AGPAT4: variants seen among roughly 807,000 people sequenced by gnomAD.
The protein encoded by AGPAT4 is 1-acylglycerol-3-phosphate O-acyltransferase 4.
AGPAT4 carries 15 observed loss-of-function variants against 48.0 expected under a neutral mutation model. The ratio of observed to expected loss-of-function variants is 0.31; its 90% CI spans 0.21 to 0.48. The LOEUF (loss-of-function observed/expected upper bound fraction) is 0.48, where lower values mean the gene tolerates loss of function less well. Ranked by LOEUF, AGPAT4 falls within the 20% of genes least tolerant of loss-of-function variation. The pLI is 0.99. For synonymous variants in AGPAT4, 178 were observed against 198.7 expected, an observed-to-expected ratio of 0.90 and a Z score of 0.88; for missense variants, 314 against 482.5, an observed-to-expected ratio of 0.65 and a Z score of 3.27.
Position 161,218,888 on chromosome 6 carries a change from G to A in AGPAT4, c.178+13148C>T, listed in dbSNP as rs753067786. On this transcript the variant is annotated intron_variant, in intron 2 of 8. Transcript: ENST00000320285. This position sits in a 1 kb window ranked among gnomAD's most constrained non-coding sequence, Gnocchi z 4.7. ...GATAAAACACTGTATCTACCAAACA[G>A]TATGATAAAACACTGTATCTACCAA... 6.6e-6 allele frequency among the ~76,000 whole-genome samples: 1 copy of A among 152,100 alleles called. No homozygotes were observed. Among genetic ancestry groups the A allele is most frequent in the Non-Finnish European group, 1.5e-5 (1 of 68,030 alleles).
In AGPAT4 at chr6:161,137,582, A is replaced by T. The variant is rs1779106888; in HGVS notation, c.1043-948T>A. Among the ~76,000 whole-genome samples the T allele has an allele frequency of 6.6e-6, 1 of 152,176 alleles. No individual in the cohort carries two copies. On this transcript the variant is annotated intron_variant, in intron 8 of 8. Transcript: ENST00000320285. The surrounding 1 kb of genome is among the most constrained non-coding windows in gnomAD (Gnocchi z 6.1). ...AGCGTAACAGTAACAGTGAGAGTGG[A>T]GTTATTGTAGAGCAGAAAGAAGTGA... is the stretch of plus-strand genomic sequence containing the variant.
In AGPAT4 at chr6:161,143,725, A is replaced by C. The variant is rs139010704; in HGVS notation, c.843+2799T>G. 5.4e-4 allele frequency among the ~76,000 whole-genome samples: 82 copies of C among 152,326 alleles called. No homozygotes were observed. Among genetic ancestry groups the C allele is most frequent in the African/African-American group, 1.8e-3 (73 of 41,560 alleles). ...TTTTTCATAAAGCTAAACTAGGTCC[A>C]CTCAAAGGATGGCCCTGTTTTCAGA... On this transcript the variant is annotated intron_variant, in intron 7 of 8. Coordinates refer to ENST00000320285, the MANE Select transcript of AGPAT4 (RefSeq NM_020133.3). The surrounding 1 kb of genome is among the most constrained non-coding windows in gnomAD (Gnocchi z 4.7).
chr6:161,222,587 T>C lies in AGPAT4; in HGVS notation c.178+9449A>G, dbSNP rs1397930141. ...TTACGCATGAACAGATTTTTTTTTT[T>C]TTCAAATTCCAATTAACAGTTTCTC... On this transcript the variant is annotated intron_variant, in intron 2 of 8. Transcript: ENST00000320285. This position sits in a 1 kb window ranked among gnomAD's most constrained non-coding sequence, Gnocchi z 5.9. 1.3e-5 allele frequency among the ~76,000 whole-genome samples: 2 copies of C among 152,224 alleles called. No homozygotes were observed. The highest frequency in any genetic ancestry group is 2.4e-5 in the African/African-American group (1 of 41,456).
intron 2 of AGPAT4, among the ~76,000 whole-genome samples, chr6:161,167,009 ATTCT>A (rs1780119320): frequency 6.6e-6 from 1 of 152,122 alleles, no homozygotes; most frequent in Non-Finnish European, 1.5e-5. Context: ...AAAGAAAAAG[ATTCT>A]TTCTTCAGGC....
rs1016586759 is a variant in AGPAT4, at chr6:161,195,001, C to T, written c.179-28584G>A. ...CTGCCTTCCTGCACCTTACTTGCCC[C>T]GGGAGAAGCTTTGGCCACCACCTTC... is the stretch of plus-strand genomic sequence containing the variant. On this transcript the variant is annotated intron_variant, in intron 2 of 8. Transcript: ENST00000320285. The surrounding 1 kb of genome is among the most constrained non-coding windows in gnomAD (Gnocchi z 5.0). 4.6e-5 allele frequency among the ~76,000 whole-genome samples: 7 copies of T among 152,112 alleles called. No homozygotes were observed. The highest frequency in any genetic ancestry group is 2.1e-4 in the South Asian group (1 of 4,816).
chr6:161,148,784 A>G lies in AGPAT4; in HGVS notation c.767+403T>C, dbSNP rs140981648. Among the ~76,000 whole-genome samples, 237 of 152,340 alleles carry G rather than the reference A, an allele frequency of 1.6e-3. 1 individual carries two copies. The highest frequency in any genetic ancestry group is 5.2e-3 in the African/African-American group (215 of 41,576). On this transcript the variant is annotated intron_variant, in intron 6 of 8. Coordinates refer to ENST00000320285, the MANE Select transcript of AGPAT4 (RefSeq NM_020133.3). This position sits in a 1 kb window ranked among gnomAD's most constrained non-coding sequence, Gnocchi z 5.5. ...TCATTAATAGCCTGGAACATAACAC[A>G]TAAGTGAGACACTGCAAGAGTTCTG...
Position 161,149,413 on chromosome 6 carries a change from G to C in AGPAT4, c.665-124C>G. 1 of 793,104 alleles carries C rather than the reference G, an allele frequency of 1.3e-6. No individual in the cohort carries two copies. Among genetic ancestry groups the C allele is most frequent in the East Asian group, 2.8e-5 (1 of 36,064 alleles). The allele number at this position is 793,104 out of a possible 1,614,324, so 49.1% of individuals were successfully genotyped here. A position where few individuals can be genotyped will look rare whatever the true frequency, so the allele number is the denominator to read the frequency against. ...TGCTTATCTAGAAATGGTGTGGTCA[G>C]ATTTCTTTCTTTCTATATGGTCCAC... On this transcript the variant is annotated intron_variant, in intron 5 of 8. Transcript: ENST00000320285. This position sits in a 1 kb window ranked among gnomAD's most constrained non-coding sequence, Gnocchi z 6.5.
rs1779704956 is a variant in AGPAT4 at position 161,154,423 on chromosome 6, C to T, written c.349-113G>A. 6 of 1,221,948 alleles carry T rather than the reference C, an allele frequency of 4.9e-6. No individual in the cohort carries two copies. Among genetic ancestry groups the T allele is most frequent in the East Asian group, 2.5e-5 (1 of 39,662 alleles). The allele number at this position is 1,221,948 out of a possible 1,614,324, so 75.7% of individuals were successfully genotyped here. On this transcript the variant is annotated intron_variant, in intron 3 of 8. Coordinates refer to ENST00000320285, the MANE Select transcript of AGPAT4 (RefSeq NM_020133.3). The surrounding 1 kb of genome is among the most constrained non-coding windows in gnomAD (Gnocchi z 7.8). ...GAGGGGACGTTCACACCAGACGCCT[C>T]GGGACAGTCCCAGAACACATGCTGT...
Position 161,251,947 on chromosome 6 carries a change from G to A in AGPAT4, c.-89-19645C>T, listed in dbSNP as rs1406253783. ...TTATCTTCTTAACCCATTTATGCTG[G>A]AGAGTATAATTTTTTGAATTTTTGC... On this transcript the variant is annotated intron_variant, in intron 1 of 8. Coordinates refer to ENST00000320285, the MANE Select transcript of AGPAT4 (RefSeq NM_020133.3). This position sits in a 1 kb window ranked among gnomAD's most constrained non-coding sequence, Gnocchi z 4.6. 1.4e-5 allele frequency among the ~76,000 whole-genome samples: 2 copies of A among 147,976 alleles called. No individual in the cohort carries two copies. The highest frequency in any genetic ancestry group is 2.1e-4 in the South Asian group (1 of 4,686).
chr6:161,269,532 TG>T (rs1364311528), intron 1 of AGPAT4, among the ~76,000 whole-genome samples: 1 of 152,036 alleles, frequency 6.6e-6, no homozygotes, highest in Non-Finnish European at 1.5e-5. Context: ...TCCCAGCTGC[TG>T]GGGGAGGGGG....
Position 161,154,326 on chromosome 6 carries a change from G to A in AGPAT4, c.349-16C>T. 6.2e-7 allele frequency: 1 copy of A among 1,613,802 alleles called. No homozygotes were observed. The highest frequency in any genetic ancestry group is 8.5e-7 in the Non-Finnish European group (1 of 1,179,904). ...CCTTGGAGCCCTGAAACAGAAGAAG[G>A]AGCCCAGGTGCCCATGAAGGAGACG... is the stretch of plus-strand genomic sequence containing the variant. On this transcript the variant is annotated splice_polypyrimidine_tract_variant and intron_variant, in intron 3 of 8. Coordinates refer to ENST00000320285, the MANE Select transcript of AGPAT4 (RefSeq NM_020133.3). This position sits in a 1 kb window ranked among gnomAD's most constrained non-coding sequence, Gnocchi z 7.8.
Position 161,222,944 on chromosome 6 carries a change from A to T in AGPAT4, c.178+9092T>A, listed in dbSNP as rs557530889. Among the ~76,000 whole-genome samples the T allele has an allele frequency of 6.6e-6, 1 of 152,254 alleles. No homozygotes were observed. The highest frequency in any genetic ancestry group is 1.9e-4 in the East Asian group (1 of 5,190). The stretch of plus-strand genomic sequence containing the variant: ...GGTGATGCCAGCATATGCTCCTGCC[A>T]CCTACTGAACCACCTCTCCTCTTGC... On this transcript the variant is annotated intron_variant, in intron 2 of 8. Transcript: ENST00000320285. The surrounding 1 kb of genome is among the most constrained non-coding windows in gnomAD (Gnocchi z 5.9).
rs369380947 is a variant in AGPAT4 at position 161,225,877 on chromosome 6, C to CT, written c.178+6158dup. Among the ~76,000 whole-genome samples, 1 of 152,290 alleles carries CT rather than the reference C, an allele frequency of 6.6e-6. No individual in the cohort carries two copies. Among genetic ancestry groups the CT allele is most frequent in the African/African-American group, 2.4e-5 (1 of 41,548 alleles). ...CTTAGAGCCACAGGCAGAAGGAGGC[C>CT]TAGGCGGGTCTGAGAGGCTTTAAAT... is the stretch of plus-strand genomic sequence containing the variant. On this transcript the variant is annotated intron_variant, in intron 2 of 8. Transcript: ENST00000320285. The surrounding 1 kb of genome is among the most constrained non-coding windows in gnomAD (Gnocchi z 5.0).
Position 161,155,847 on chromosome 6 carries a change from T to C in AGPAT4, c.349-1537A>G, listed in dbSNP as rs527882073. Among the ~76,000 whole-genome samples, 4 of 152,328 alleles carry C rather than the reference T, an allele frequency of 2.6e-5. No individual in the cohort carries two copies. The highest frequency in any genetic ancestry group is 9.6e-5 in the African/African-American group (4 of 41,578). On this transcript the variant is annotated intron_variant, in intron 3 of 8. Coordinates refer to ENST00000320285, the MANE Select transcript of AGPAT4 (RefSeq NM_020133.3). The surrounding 1 kb of genome is among the most constrained non-coding windows in gnomAD (Gnocchi z 5.8). The stretch of plus-strand genomic sequence containing the variant: ...GAACTCATTCCAAACATGCAGTCAT[T>C]TGAAGGAGCTATAAATGATGATTGG...
Position 161,231,770 on chromosome 6 carries a change from G to A in AGPAT4, c.178+266C>T, listed in dbSNP as rs560131640. ...ATCATTAATACTGATTGGTTCTGAG[G>A]AGAACTAAAGAAACTAATGGAATGC... On this transcript the variant is annotated intron_variant, in intron 2 of 8. Transcript: ENST00000320285. The surrounding 1 kb of genome is among the most constrained non-coding windows in gnomAD (Gnocchi z 5.3). 1.3e-5 allele frequency among the ~76,000 whole-genome samples: 2 copies of A among 152,238 alleles called. No homozygotes were observed. The highest frequency in any genetic ancestry group is 4.8e-5 in the African/African-American group (2 of 41,544).
At chr6:161,247,914 G>A (rs751538134) in intron 1 of AGPAT4, among the ~76,000 whole-genome samples, 22 of 149,868 alleles carry the variant, frequency 1.5e-4, no homozygotes, top group South Asian at 6.4e-4. Flanking sequence ...TCCAGGAGGC[G>A]GAGGTTGCAG....
chr6:161,146,421 T>G lies in AGPAT4; in HGVS notation c.843+103A>C. The G allele has an allele frequency of 4.7e-6, 5 of 1,074,924 alleles. No individual in the cohort carries two copies. Among genetic ancestry groups the G allele is most frequent in the Non-Finnish European group, 5.5e-6 (4 of 725,806 alleles). 66.6% of individuals were successfully genotyped at this position (1,074,924 alleles called of 1,614,324 possible). A position where few individuals can be genotyped will look rare whatever the true frequency, so the allele number is the denominator to read the frequency against. ...CCAGACTCACTAATAACTGGCTCTG[T>G]GAGATCTCGCCCACCGGAGAAAGGC... On this transcript the variant is annotated intron_variant, in intron 7 of 8. Transcript: ENST00000320285. This position sits in a 1 kb window ranked among gnomAD's most constrained non-coding sequence, Gnocchi z 7.1.
rs1286173596 is a variant in AGPAT4, at chr6:161,244,757, G to C, written c.-89-12455C>G. ...CTGGCCTAGCCCACCTACTCTGCCT[G>C]GGTCAACTGATCCAGTAAGAGTGAT... On this transcript the variant is annotated intron_variant, in intron 1 of 8. Transcript: ENST00000320285. The surrounding 1 kb of genome is among the most constrained non-coding windows in gnomAD (Gnocchi z 4.7). Among the ~76,000 whole-genome samples, 1 of 152,186 alleles carries C rather than the reference G, an allele frequency of 6.6e-6. No individual in the cohort carries two copies. The highest frequency in any genetic ancestry group is 1.5e-5 in the Non-Finnish European group (1 of 68,040).
Position 161,259,950 on chromosome 6 carries a change from G to T in AGPAT4, c.-90+13988C>A, listed in dbSNP as rs1032258801. 6.6e-6 allele frequency among the ~76,000 whole-genome samples: 1 copy of T among 152,170 alleles called. No homozygotes were observed. Among genetic ancestry groups the T allele is most frequent in the African/African-American group, 2.4e-5 (1 of 41,446 alleles). On this transcript the variant is annotated intron_variant, in intron 1 of 8. Transcript: ENST00000320285. This position sits in a 1 kb window ranked among gnomAD's most constrained non-coding sequence, Gnocchi z 4.9. ...CTTCCCTTCTCAGACCCATCCAGGAGTTGCACTGGAGGAAACTTCCATTCA... is the reference window on the plus strand; with the variant it reads ...CTTCCCTTCTCAGACCCATCCAGGATTTGCACTGGAGGAAACTTCCATTCA...
Sources: gnomAD v4.1 joint callset for allele counts (sites outside exome capture counted in the v4.1 genomes callset) on GRCh38, gnomAD v4.1.1 for gene constraint, Gnocchi (gnomAD v3.1) non-coding constraint, MANE v1.5 for transcripts, NCBI Gene and HGNC (gene_info 2026-07-23, HGNC 2026-07-21) for gene names.